Variants in GPR158 observed in about 807,000 individuals in gnomAD.
GPR158 encodes the protein G protein-coupled receptor 158.
GPR158 carries 30 observed loss-of-function variants against 78.2 expected under a neutral mutation model. That is an observed-to-expected ratio of 0.38 (90% CI 0.29 to 0.52). GPR158 has a LOEUF of 0.52. Ranked by LOEUF, GPR158 falls within the 20% of genes least tolerant of loss-of-function variation. The pLI is 0.83. For synonymous variants in GPR158, 581 were observed against 591.1 expected (o/e 0.98, Z 0.25); for missense variants, 1,463 against 1,523.5 (o/e 0.96, Z 0.66).
chr10:25,545,859 C>T (rs556706776), intron 5 of GPR158, among the ~76,000 whole-genome samples: 4 of 152,080 alleles, frequency 2.6e-5, no homozygotes, highest in East Asian at 1.9e-4. Flanking sequence ...AGGGAATGGA[C>T]GTGCAATCAA....
intron 2 of GPR158, among the ~76,000 whole-genome samples, chr10:25,333,149 G>C (rs780793441): frequency 6.6e-5 from 10 of 152,120 alleles, no homozygotes; most frequent in African/African-American, 1.4e-4. Context: ...GGGCTTGGCT[G>C]TAGAACATAA....
intron 3 of GPR158, among the ~76,000 whole-genome samples, chr10:25,409,748 A>G (rs797002279): frequency 2.4e-4 from 36 of 152,284 alleles, no homozygotes; most frequent in African/African-American, 7.9e-4. Flanking sequence ...TCAATTTCCA[A>G]TGGCTCATTT....
intron 2 of GPR158, among the ~76,000 whole-genome samples, chr10:25,243,839 G>A (rs1463046407): frequency 1.3e-5 from 2 of 152,190 alleles, no homozygotes; most frequent in African/African-American, 2.4e-5. Context: ...TCCATCTCCA[G>A]TAAGATTAGG....
intron 2 of GPR158, among the ~76,000 whole-genome samples, chr10:25,256,267 AAAG>A (rs1316801986): frequency 3.3e-5 from 5 of 152,226 alleles, no homozygotes; most frequent in African/African-American, 9.6e-5. Context: ...ATATTTATAA[AAAG>A]AAGCTGTGTG....
intron 2 of GPR158, among the ~76,000 whole-genome samples, chr10:25,368,293 T>TTTA (rs397755505): frequency 4.6e-5 from 7 of 151,738 alleles, no homozygotes; most frequent in Non-Finnish European, 7.4e-5. Context: ...TATTTTTTTT[T>TTTA]AGAGTAAACA....
intron 5 of GPR158, among the ~76,000 whole-genome samples, chr10:25,487,968 A>G (rs1835756660): frequency 6.6e-6 from 1 of 152,188 alleles, no homozygotes; most frequent in African/African-American, 2.4e-5. Context: ...CTCAAAAGCT[A>G]GGTAATAAAA....
intron 2 of GPR158, among the ~76,000 whole-genome samples, chr10:25,251,860 T>C (rs1310922648): frequency 1.3e-5 from 2 of 151,702 alleles, no homozygotes; most frequent in Non-Finnish European, 2.9e-5. Context: ...AACATTGGCC[T>C]GCCTTGCTAG....
At chr10:25,496,557 A>G (rs369904206) in intron 5 of GPR158, among the ~76,000 whole-genome samples, 3 of 152,240 alleles carry the variant, frequency 2.0e-5, no homozygotes, top group African/African-American at 7.2e-5. Flanking sequence ...TGCTTTTCCA[A>G]TTAGCTGGTA....
chr10:25,184,714 A>C (rs1588723039), intron 1 of GPR158, among the ~76,000 whole-genome samples: 1 of 152,252 alleles, frequency 6.6e-6, no homozygotes, highest in African/African-American at 2.4e-5. Flanking sequence ...GACTAATAAT[A>C]GAAGGGAATA....
At chr10:25,423,541 C>G (rs1475203316) in intron 4 of GPR158, among the ~76,000 whole-genome samples, 1 of 151,960 alleles carries the variant, frequency 6.6e-6, no homozygotes, top group Non-Finnish European at 1.5e-5. Context: ...CCCCCATGCC[C>G]CAACCTATGA....
chr10:25,432,482 G>A (rs1381526865), intron 4 of GPR158, among the ~76,000 whole-genome samples: 1 of 152,100 alleles, frequency 6.6e-6, no homozygotes, highest in Non-Finnish European at 1.5e-5. Context: ...CTGCATATAT[G>A]TACATATACT....
chr10:25,350,180 C>A (rs759335969), intron 2 of GPR158, among the ~76,000 whole-genome samples: 1 of 151,572 alleles, frequency 6.6e-6, no homozygotes, highest in Non-Finnish European at 1.5e-5. Context: ...CCGTAACTTA[C>A]AAATATCAGT....
intron 4 of GPR158, among the ~76,000 whole-genome samples, chr10:25,429,501 C>T (rs1415385562): frequency 2.6e-5 from 4 of 152,070 alleles, no homozygotes; most frequent in Admixed American, 6.6e-5. Context: ...TTATTTAGCT[C>T]ATTTGTAGAT....
At chr10:25,347,892 G>A (rs1171000948) in intron 2 of GPR158, among the ~76,000 whole-genome samples, 1 of 151,984 alleles carries the variant, frequency 6.6e-6, no homozygotes, top group African/African-American at 2.4e-5. Context: ...GCCAGTGTAA[G>A]AAGCTCAGTT....
At chr10:25,528,510 A>G (rs1018692941) in intron 5 of GPR158, among the ~76,000 whole-genome samples, 1 of 152,146 alleles carries the variant, frequency 6.6e-6, no homozygotes, top group African/African-American at 2.4e-5. Flanking sequence ...ACAACTGGAG[A>G]ATGAATATTT....
At chr10:25,558,538 C>G (rs1588911711) in intron 6 of GPR158, among the ~76,000 whole-genome samples, 1 of 152,158 alleles carries the variant, frequency 6.6e-6, no homozygotes, top group Admixed American at 6.5e-5. Context: ...TGTTGCACCT[C>G]CCTGCTGTCG....
At chr10:25,250,934 T>A (rs1197984546) in intron 2 of GPR158, among the ~76,000 whole-genome samples, 2 of 151,264 alleles carry the variant, frequency 1.3e-5, no homozygotes, top group African/African-American at 2.4e-5. Flanking sequence ...CCCATTATTA[T>A]TGTGTGGGCG....
chr10:25,472,477 T>A (rs1290462593), intron 5 of GPR158, among the ~76,000 whole-genome samples: 1 of 152,200 alleles, frequency 6.6e-6, no homozygotes. Context: ...AACTTTAAAA[T>A]AGTTTTTTCC....
intron 1 of GPR158, among the ~76,000 whole-genome samples, chr10:25,191,682 G>GA (rs1221005166): frequency 1.3e-5 from 2 of 152,172 alleles, no homozygotes; most frequent in African/African-American, 2.4e-5. Context: ...TTTAGTCACT[G>GA]AAAAAATTTG....
Sources: gnomAD v4.1 joint callset for allele counts (sites outside exome capture counted in the v4.1 genomes callset) on GRCh38, gnomAD v4.1.1 for gene constraint, MANE v1.5 for transcripts, NCBI Gene and HGNC (gene_info 2026-07-23, HGNC 2026-07-21) for gene names.